CTNND2: variants seen among roughly 807,000 people sequenced by gnomAD.
CTNND2 encodes catenin delta-2.
CTNND2 carries 22 observed loss-of-function variants against 144.4 expected under a neutral mutation model. That is an observed-to-expected ratio of 0.15 (90% confidence interval 0.11 to 0.22). The LOEUF (loss-of-function observed/expected upper bound fraction) is 0.22. CTNND2 is among the 10% of genes least tolerant of loss of function. The probability of loss-of-function intolerance (pLI) is 1.00; values close to 1 mark genes in which losing one functional copy is unlikely to be tolerated. For missense variants in CTNND2, 1,353 were observed against 1,618.8 expected (o/e 0.84, Z 2.82); for synonymous variants, 751 against 695.6 (o/e 1.08, Z -1.25).
chr5:11,714,682 G>A (rs533316631), intron 2 of CTNND2, among the ~76,000 whole-genome samples: 6 of 152,050 alleles, frequency 3.9e-5, no homozygotes, highest in South Asian at 4.2e-4. Context: ...CGAGGCGGGC[G>A]GATCAAGAGG....
chr5:11,783,672 G>A (rs1248516276), intron 1 of CTNND2, among the ~76,000 whole-genome samples: 1 of 152,186 alleles, frequency 6.6e-6, no homozygotes, highest in Non-Finnish European at 1.5e-5. Flanking sequence ...TCATGAGCAA[G>A]TCTGCAGTAT....
intron 2 of CTNND2, among the ~76,000 whole-genome samples, chr5:11,572,787 G>A (rs1027218295): frequency 6.6e-6 from 1 of 152,120 alleles, no homozygotes; most frequent in Non-Finnish European, 1.5e-5. Context: ...ATGCCACCAC[G>A]ATCGAGTTAG....
At chr5:11,568,373 C>T (rs142658962) in intron 2 of CTNND2, among the ~76,000 whole-genome samples, 39 of 152,278 alleles carry the variant, frequency 2.6e-4, no homozygotes, top group African/African-American at 7.9e-4. Context: ...TCTCTCAAGG[C>T]AATCATTTCC....
chr5:11,554,100 T>C (rs188356661), intron 3 of CTNND2, among the ~76,000 whole-genome samples: 1 of 152,210 alleles, frequency 6.6e-6, no homozygotes, highest in African/African-American at 2.4e-5. Flanking sequence ...CTTAATATGA[T>C]GACTGGTATT....
chr5:11,163,888 C>A (rs1363369065), intron 11 of CTNND2, among the ~76,000 whole-genome samples: 1 of 152,192 alleles, frequency 6.6e-6, no homozygotes, highest in Non-Finnish European at 1.5e-5. Context: ...TAATCCTGCT[C>A]TTATTTCCAA....
At chr5:11,461,817 G>A (rs1216902814) in intron 3 of CTNND2, among the ~76,000 whole-genome samples, 1 of 152,144 alleles carries the variant, frequency 6.6e-6, no homozygotes, top group Non-Finnish European at 1.5e-5. Flanking sequence ...AAGAAATAAG[G>A]ATTGAGACAT....
intron 2 of CTNND2, among the ~76,000 whole-genome samples, chr5:11,677,538 A>G (rs1185655497): frequency 1.3e-5 from 2 of 152,206 alleles, no homozygotes; most frequent in Admixed American, 6.5e-5. Flanking sequence ...TTCCTTAGAA[A>G]TGAATTAATA....
chr5:11,279,448 T>C (rs1746890752), intron 9 of CTNND2, among the ~76,000 whole-genome samples: 1 of 152,108 alleles, frequency 6.6e-6, no homozygotes, highest in Admixed American at 6.6e-5. Context: ...TGCCCCATCA[T>C]CTCTGTTCCA....
chr5:11,707,206 A>T (rs918840218), intron 2 of CTNND2, among the ~76,000 whole-genome samples: 1 of 152,100 alleles, frequency 6.6e-6, no homozygotes, highest in Non-Finnish European at 1.5e-5. Context: ...ATCAGTAATT[A>T]GTTTTTTTTG....
rs751125091 is a variant in CTNND2 at position 10,981,861 on chromosome 5, A to C, written c.3344-15T>G. ...AGTGTTTTGAGCTAAAAGCAAAAGG[A>C]AAACAAAAGTTTAGCAAAGAAAACA... On this transcript the variant is annotated splice_polypyrimidine_tract_variant and intron_variant, in intron 20 of 21. Transcript: ENST00000304623. The C allele has an allele frequency of 2.6e-5, 42 of 1,606,126 alleles. No homozygotes were observed. Among genetic ancestry groups the C allele is most frequent in the Non-Finnish European group, 6.8e-6 (8 of 1,173,882 alleles).
intron 1 of CTNND2, among the ~76,000 whole-genome samples, chr5:11,817,407 GAGGGAGAGAGAGAGAGAGAGAGAGAGAGA>G (rs1561829638): frequency 3.1e-4 from 4 of 12,790 alleles, no homozygotes; most frequent in Non-Finnish European, 4.2e-4. Context: ...AGAGAGAGAG[GAGGGAGAGAGAGAGAGAGAGAGAGAGAGA>G]GAGAGAGAGA....
intron 1 of CTNND2, among the ~76,000 whole-genome samples, chr5:11,824,886 T>G (rs1027284289): frequency 6.6e-6 from 1 of 151,636 alleles, no homozygotes; most frequent in Non-Finnish European, 1.5e-5. Flanking sequence ...CCAAACAGAG[T>G]AGGGGAACAA....
At chr5:11,616,364 ACT>A (rs1780580173) in intron 2 of CTNND2, among the ~76,000 whole-genome samples, 2 of 151,954 alleles carry the variant, frequency 1.3e-5, no homozygotes, top group Non-Finnish European at 2.9e-5. Flanking sequence ...TATCATTCCC[ACT>A]CTACAGAAAT....
Position 11,044,852 on chromosome 5 carries a change from T to C in CTNND2, c.2789-21873A>G, listed in dbSNP as rs190187690. ...CATGTGAGTCAGGCCAGAGCAGAGC[T>C]GGAGAAAAATGTAGGACTTCAGGGG... is the stretch of plus-strand genomic sequence containing the variant. On this transcript the variant is annotated intron_variant, in intron 16 of 21. Transcript: ENST00000304623. Among the ~76,000 whole-genome samples, 497 of 152,344 alleles carry C rather than the reference T, an allele frequency of 3.3e-3. 3 individuals carry two copies. The highest frequency in any genetic ancestry group is 0.014 in the South Asian group (67 of 4,830).
At chr5:11,751,861 C>T (rs914057857) in intron 1 of CTNND2, among the ~76,000 whole-genome samples, 10 of 151,838 alleles carry the variant, frequency 6.6e-5, no homozygotes, top group Admixed American at 6.6e-4. Context: ...TTCTCCACAG[C>T]CTCACCAGCA....
At chr5:11,730,171 C>T (rs1187588493) in intron 2 of CTNND2, among the ~76,000 whole-genome samples, 1 of 152,150 alleles carries the variant, frequency 6.6e-6, no homozygotes, top group African/African-American at 2.4e-5. Flanking sequence ...TATTGTGAAA[C>T]TCATCGACCA....
At position 11,768,043 on chromosome 5, in the gene CTNND2, G is replaced by A. The variant is rs180838300; in HGVS notation, c.38-35771C>T. ...TTTCCACTAATAATCCAAAATGGGA[G>A]TTGACCTGCCTTATCACACTAATTT... On this transcript the variant is annotated intron_variant, in intron 1 of 21. Transcript: ENST00000304623. Among the ~76,000 whole-genome samples, 282 of 152,150 alleles carry A rather than the reference G, an allele frequency of 1.9e-3. 3 individuals are homozygous for A. Among genetic ancestry groups the A allele is most frequent in the African/African-American group, 6.2e-3 (256 of 41,486 alleles).
At chr5:11,487,661 TA>T (rs1768957329) in intron 3 of CTNND2, among the ~76,000 whole-genome samples, 1 of 152,194 alleles carries the variant, frequency 6.6e-6, no homozygotes, top group Admixed American at 6.5e-5. Flanking sequence ...TGCTTATAAT[TA>T]AATCATTTAT....
chr5:11,100,958 A>G (rs912114675), intron 14 of CTNND2, among the ~76,000 whole-genome samples: 2 of 152,214 alleles, frequency 1.3e-5, no homozygotes, highest in Non-Finnish European at 2.9e-5. Context: ...AATTTTCCTC[A>G]GGCTCTGACA....
Sources: gnomAD v4.1 joint callset for allele counts (sites outside exome capture counted in the v4.1 genomes callset) on GRCh38, gnomAD v4.1.1 for gene constraint, MANE v1.5 for transcripts, NCBI Gene and HGNC (gene_info 2026-07-23, HGNC 2026-07-21) for gene names.